LPXN: variants seen among roughly 807,000 people sequenced by gnomAD.
The protein encoded by LPXN is leupaxin.
LPXN carries 28 observed loss-of-function variants against 45.6 expected under a neutral mutation model. The observed-to-expected ratio is 0.61, with a 90% CI of 0.45 to 0.84. The LOEUF (loss-of-function observed/expected upper bound fraction) is 0.84. Among genes scored for constraint, LPXN ranks in the 40% least tolerant of loss-of-function variants. The pLI, the probability that LPXN is intolerant of heterozygous loss-of-function variation, is 0.00. For missense variants in LPXN, 459 were observed against 475.0 expected (o/e 0.97, Z 0.31); for synonymous variants, 166 against 169.9 (o/e 0.98, Z 0.18).
At chr11:58,533,490 C>T (rs980095342) in intron 7 of LPXN, among the ~76,000 whole-genome samples, 2 of 152,116 alleles carry the variant, frequency 1.3e-5, no homozygotes, top group Non-Finnish European at 2.9e-5. Flanking sequence ...TTACTACCAC[C>T]AGGCCTGCCT....
chr11:58,576,933 C>T (rs978154199), upstream of LPXN, among the ~76,000 whole-genome samples: 1 of 152,144 alleles, frequency 6.6e-6, no homozygotes, highest in Non-Finnish European at 1.5e-5. Context: ...CATCCCATCA[C>T]GCCACCAGGT....
chr11:58,577,728 G>A (rs1854944985), upstream of LPXN, among the ~76,000 whole-genome samples: 1 of 151,698 alleles, frequency 6.6e-6, no homozygotes, highest in African/African-American at 2.4e-5. Context: ...TCCGGCCGCA[G>A]AGCTTAAGAG....
At position 58,564,157 on chromosome 11, in the gene LPXN, G is replaced by T; in HGVS notation, c.216C>A (p.Tyr72Ter). The change falls in exon 3 of 9, where the codon TAC becomes TAA. Residue 72 changes from tyrosine (Y) to a stop codon, truncating the protein, a stop_gained and splice_region_variant. Transcript: ENST00000395074. LOFTEE classifies it high-confidence loss of function. ...GCATTTAATAGAAAAAAAAATACCT[G>T]TAGACATTGAGCTCCTGGATATTGG... ...YTTNIQELNV[Y>*]SEAQEPKESP... The T allele has an allele frequency of 6.3e-7, 1 of 1,588,092 alleles. No homozygotes were observed. Among genetic ancestry groups the T allele is most frequent in the Non-Finnish European group, 8.6e-7 (1 of 1,161,422 alleles).
intron 1 of LPXN, among the ~76,000 whole-genome samples, chr11:58,574,527 T>C (rs916033178): frequency 6.6e-6 from 1 of 152,122 alleles, no homozygotes; most frequent in African/African-American, 2.4e-5. Context: ...AGTTTCCTTT[T>C]GAATTATTTG....
chr11:58,570,375 G>C (rs1234723632), intron 2 of LPXN, among the ~76,000 whole-genome samples, 181 bp downstream of exon 2: 1 of 151,726 alleles, frequency 6.6e-6, no homozygotes, highest in Non-Finnish European at 1.5e-5. Context: ...ATTCCTCTGT[G>C]ATGATTTTCT....
At chr11:58,542,236 T>G (rs928560341) in intron 7 of LPXN, among the ~76,000 whole-genome samples, 1 of 113,254 alleles carries the variant, frequency 8.8e-6, no homozygotes, top group East Asian at 2.3e-4. Context: ...TGTTGGACAT[T>G]ATAAGTCAGG....
At chr11:58,555,783 C>T (rs1036208448) in intron 3 of LPXN, among the ~76,000 whole-genome samples, 16 of 151,752 alleles carry the variant, frequency 1.1e-4, no homozygotes, top group African/African-American at 3.6e-4. Flanking sequence ...CACACACACA[C>T]ACACACACGC....
chr11:58,562,261 A>G (rs1854399771), intron 3 of LPXN, among the ~76,000 whole-genome samples: 1 of 152,240 alleles, frequency 6.6e-6, no homozygotes, highest in African/African-American at 2.4e-5. Context: ...CAGAGCTAGT[A>G]TTGAAAATAC....
intron 7 of LPXN, among the ~76,000 whole-genome samples, chr11:58,546,825 A>T (rs1853888600): frequency 6.6e-6 from 1 of 152,232 alleles, no homozygotes; most frequent in Non-Finnish European, 1.5e-5. Flanking sequence ...GAACTGCAAA[A>T]CATCCCTCCA....
intron 2 of LPXN, 39 bp from the exon 3 acceptor site, chr11:58,564,240 A>C: frequency 1.4e-6 from 2 of 1,438,034 alleles, no homozygotes; most frequent in Non-Finnish European, 1.9e-6. Context: ...CAAAGAATAA[A>C]TTTTTGTTAT....
chr11:58,576,625 A>T (rs148671793), upstream of LPXN, among the ~76,000 whole-genome samples: 1,040 of 152,350 alleles, frequency 6.8e-3, 3 homozygotes, highest in Non-Finnish European at 0.011. Flanking sequence ...GTAAGGAACT[A>T]TAATTATGGC....
Position 58,527,367 on chromosome 11 carries a change from A to G in LPXN, c.*87T>C, listed in dbSNP as rs1853254339. 7.3e-7 allele frequency: 1 copy of G among 1,377,198 alleles called. No individual in the cohort carries two copies. The highest frequency in any genetic ancestry group is 1.0e-6 in the Non-Finnish European group (1 of 985,530). The allele number at this position is 1,377,198 out of a possible 1,614,324, so 85.3% of individuals were successfully genotyped here. On this transcript the variant is annotated 3_prime_UTR_variant, in exon 9 of 9. Coordinates refer to ENST00000395074, the MANE Select transcript of LPXN (RefSeq NM_004811.3). ...TTTTTCTATAAGACTATTAAGCAGA[A>G]GGTCAGTAACAGAAAATTTACCCTT...
At chr11:58,562,176 G>C (rs1276831304) in intron 3 of LPXN, among the ~76,000 whole-genome samples, 4 of 152,138 alleles carry the variant, frequency 2.6e-5, no homozygotes, top group Admixed American at 6.5e-5. Context: ...TTATGTAAAA[G>C]ATACATTTCT....
intron 3 of LPXN, among the ~76,000 whole-genome samples, chr11:58,557,647 C>T (rs1000090422): frequency 1.3e-5 from 2 of 152,036 alleles, no homozygotes; most frequent in African/African-American, 2.4e-5. Context: ...TAAGAACTAT[C>T]GGTAATGAAA....
At chr11:58,543,112 C>G (rs1023621393) in intron 7 of LPXN, among the ~76,000 whole-genome samples, 3 of 152,140 alleles carry the variant, frequency 2.0e-5, no homozygotes, top group African/African-American at 7.2e-5. Flanking sequence ...CACTCTCTCT[C>G]TCGCCATGCA....
At chr11:58,574,573 C>CA (rs1228260241) in intron 1 of LPXN, among the ~76,000 whole-genome samples, 2 of 150,900 alleles carry the variant, frequency 1.3e-5, no homozygotes, top group African/African-American at 2.4e-5. Context: ...CCATCCCCCC[C>CA]AAAAAAAAGA....
chr11:58,565,047 C>T (rs972280283), intron 2 of LPXN, among the ~76,000 whole-genome samples: 9 of 152,168 alleles, frequency 5.9e-5, no homozygotes, highest in African/African-American at 2.2e-4. Flanking sequence ...CCAGATCATA[C>T]AGATGAGGTG....
At chr11:58,551,585 A>C (rs1854052638) in intron 4 of LPXN, among the ~76,000 whole-genome samples, 1 of 152,244 alleles carries the variant, frequency 6.6e-6, no homozygotes, top group South Asian at 2.1e-4. Flanking sequence ...ATAATTGTTG[A>C]ATACCTGGTT....
chr11:58,569,792 A>G (rs961710684), intron 2 of LPXN, among the ~76,000 whole-genome samples: 2 of 152,058 alleles, frequency 1.3e-5, no homozygotes, highest in African/African-American at 4.8e-5. Flanking sequence ...TGAATCTCCT[A>G]ATCTATTCAG....
Sources: allele counts gnomAD v4.1 joint callset (sites outside exome capture counted in the v4.1 genomes callset), GRCh38; gene constraint gnomAD v4.1.1; transcripts MANE v1.5; gene names NCBI Gene and HGNC (gene_info 2026-07-23, HGNC 2026-07-21).